SLCO1B1: variants seen among roughly 807,000 people sequenced by gnomAD.
SLCO1B1 encodes the protein solute carrier organic anion transporter family member 1B1.
A neutral mutation model predicts 70.1 loss-of-function variants in SLCO1B1; 81 were observed. The ratio of observed to expected loss-of-function variants is 1.16; its 90% CI spans 0.97 to 1.39. The LOEUF is 1.39. Ranked by LOEUF, SLCO1B1 falls within the 40% of genes most tolerant of loss-of-function variation. The pLI, the probability that SLCO1B1 is intolerant of heterozygous loss-of-function variation, is 0.00. For missense variants in SLCO1B1, 895 were observed against 799.6 expected (o/e 1.12, Z -1.44); for synonymous variants, 283 against 271.5 (o/e 1.04, Z -0.42).
chr12:21,178,897 T>A, intron 6 of SLCO1B1, 25 bp from the exon 7 acceptor site: 1 of 1,540,410 alleles, frequency 6.5e-7, no homozygotes, highest in Non-Finnish European at 9.0e-7. Context: ...TGGCATCTAG[T>A]AAAATTGCTT....
At chr12:21,156,399 G>C (rs2121069164) in intron 2 of SLCO1B1, among the ~76,000 whole-genome samples, 1 of 152,156 alleles carries the variant, frequency 6.6e-6, no homozygotes, top group Admixed American at 6.5e-5. Context: ...GCAACTGCTA[G>C]GATATCACAA....
At chr12:21,164,785 G>T in intron 2 of SLCO1B1, 1 of 472,574 alleles carries the variant, frequency 2.1e-6, no homozygotes, top group Middle Eastern at 3.3e-4. Context: ...TAGCCCCAAT[G>T]TCAACACATC....
chr12:21,233,952 C>T (rs1281387078), intron 14 of SLCO1B1, among the ~76,000 whole-genome samples: 1 of 152,184 alleles, frequency 6.6e-6, no homozygotes, highest in East Asian at 1.9e-4. Context: ...ACGGGTTCAC[C>T]TTGCCCACTG....
intron 7 of SLCO1B1, among the ~76,000 whole-genome samples, chr12:21,184,676 G>A (rs909131020): frequency 6.6e-6 from 1 of 152,002 alleles, no homozygotes; most frequent in Non-Finnish European, 1.5e-5. Flanking sequence ...TAAATAGGTA[G>A]CCCAGACACA....
chr12:21,167,890 C>T (rs1202140184), intron 2 of SLCO1B1, among the ~76,000 whole-genome samples: 3 of 149,684 alleles, frequency 2.0e-5, no homozygotes, highest in Non-Finnish European at 4.4e-5. Context: ...GATCTCGTCT[C>T]ACTGCAACCG....
intron 12 of SLCO1B1, among the ~76,000 whole-genome samples, chr12:21,221,089 A>C (rs527769443): frequency 8.4e-4 from 56 of 66,956 alleles, no homozygotes; most frequent in Middle Eastern, 8.2e-3. Context: ...TAGATGCAGA[A>C]AAATTATTTG....
chr12:21,230,865 C>T (rs1388952854), intron 14 of SLCO1B1, among the ~76,000 whole-genome samples: 1 of 151,942 alleles, frequency 6.6e-6, no homozygotes, highest in East Asian at 1.9e-4. Flanking sequence ...GGTACATGTG[C>T]ACAATGTGCT....
chr12:21,176,170 A>T (rs1940817711), intron 4 of SLCO1B1, among the ~76,000 whole-genome samples: 1 of 152,154 alleles, frequency 6.6e-6, no homozygotes, highest in South Asian at 2.1e-4. Context: ...AAATTCCCTA[A>T]GTACAAAAAC....
chr12:21,175,890 C>T (rs908317419), intron 4 of SLCO1B1, among the ~76,000 whole-genome samples: 8 of 152,072 alleles, frequency 5.3e-5, no homozygotes, highest in Non-Finnish European at 1.2e-4. Context: ...AAATTAAGGA[C>T]CACAATCTAG....
chr12:21,171,908 T>C (rs547483443), intron 2 of SLCO1B1, among the ~76,000 whole-genome samples: 1 of 152,116 alleles, frequency 6.6e-6, no homozygotes, highest in Non-Finnish European at 1.5e-5. Flanking sequence ...ACTGATCTTA[T>C]CAAGAGGGCT....
intron 1 of SLCO1B1, among the ~76,000 whole-genome samples, chr12:21,134,301 T>G (rs1186453393): frequency 1.3e-5 from 2 of 152,152 alleles, no homozygotes; most frequent in East Asian, 1.9e-4. Flanking sequence ...TCTCTTTTTT[T>G]GTTGTTTCTC....
chr12:21,204,320 C>T lies in SLCO1B1; in HGVS notation c.1332-1548C>T, dbSNP rs1015664201. On this transcript the variant is annotated intron_variant, in intron 10 of 14. Transcript: ENST00000256958. ...AGTATAGTGATATTTTCTAATGCTC[C>T]AAGGTATGTTATTAATTCATTAATC... is the stretch of plus-strand genomic sequence containing the variant. 2.0e-5 allele frequency among the ~76,000 whole-genome samples: 3 copies of T among 151,636 alleles called. No individual in the cohort carries two copies. In the Admixed American group the frequency reaches 2.0e-4, roughly 10 times the overall value.
chr12:21,153,496 A>G (rs1940500394), intron 2 of SLCO1B1, among the ~76,000 whole-genome samples: 2 of 152,138 alleles, frequency 1.3e-5, no homozygotes, highest in South Asian at 4.1e-4. Context: ...TCTATGTCCT[A>G]GTACATCATT....
At chr12:21,186,940 T>C (rs1468736805) in intron 7 of SLCO1B1, among the ~76,000 whole-genome samples, 1 of 152,154 alleles carries the variant, frequency 6.6e-6, no homozygotes, top group Non-Finnish European at 1.5e-5. Flanking sequence ...TTGATAATTT[T>C]AGAAAATGAT....
At chr12:21,200,776 C>T in intron 9 of SLCO1B1, 104 bp downstream of exon 9, 1 of 933,912 alleles carries the variant, frequency 1.1e-6, no homozygotes, top group Non-Finnish European at 1.6e-6. Context: ...TTTAGTAATA[C>T]AGGATAAGTA....
intron 2 of SLCO1B1, among the ~76,000 whole-genome samples, chr12:21,161,727 A>C (rs964789919): frequency 1.3e-5 from 2 of 152,170 alleles, no homozygotes; most frequent in Non-Finnish European, 2.9e-5. Flanking sequence ...AAATTAAAAA[A>C]AAAAGATTTT....
At chr12:21,217,333 A>G (rs1047785433) in intron 12 of SLCO1B1, 30 bp downstream of exon 12, 1 of 1,560,624 alleles carries the variant, frequency 6.4e-7, no homozygotes, top group Non-Finnish European at 8.8e-7. Flanking sequence ...ACATTTTCAT[A>G]TGCATGAGAC....
intron 2 of SLCO1B1, among the ~76,000 whole-genome samples, chr12:21,157,600 ATTTTTTT>A (rs533368425): frequency 7.3e-6 from 1 of 136,820 alleles, no homozygotes. Context: ...AGACTGTAAA[ATTTTTTT>A]TTTTTTTTTT....
At chr12:21,138,254 A>C (rs1032790058) in intron 1 of SLCO1B1, among the ~76,000 whole-genome samples, 2 of 152,148 alleles carry the variant, frequency 1.3e-5, no homozygotes, top group African/African-American at 4.8e-5. Flanking sequence ...CTTGACACAG[A>C]TAAGTAGAGG....
Sources: allele counts gnomAD v4.1 joint callset (sites outside exome capture counted in the v4.1 genomes callset), GRCh38; gene constraint gnomAD v4.1.1; transcripts MANE v1.5; gene names NCBI Gene and HGNC (gene_info 2026-07-23, HGNC 2026-07-21).